PTPRG: variants seen among roughly 807,000 people sequenced by gnomAD.
The protein encoded by PTPRG is protein tyrosine phosphatase receptor type G, also known as receptor-type tyrosine-protein phosphatase gamma.
PTPRG carries 102 observed loss-of-function variants against 165.3 expected under a neutral mutation model. That is an observed-to-expected ratio of 0.62 (90% CI 0.53 to 0.73). PTPRG has a LOEUF of 0.73. PTPRG is among the 30% of genes least tolerant of loss of function. The pLI is 0.00. For missense variants in PTPRG, 1,866 were observed against 1,861.4 expected (o/e 1.00, Z -0.05); for synonymous variants, 675 against 669.5 (o/e 1.01, Z -0.13).
At chr3:62,013,997 G>A (rs751008717) in intron 4 of PTPRG, among the ~76,000 whole-genome samples, 11 of 152,104 alleles carry the variant, frequency 7.2e-5, no homozygotes, top group Non-Finnish European at 1.6e-4. Flanking sequence ...GAGGATTTAT[G>A]GGCCTGTGTA....
intron 6 of PTPRG, among the ~76,000 whole-genome samples, chr3:62,146,626 G>T (rs1576061638): frequency 7.8e-6 from 1 of 127,846 alleles, no homozygotes; most frequent in Non-Finnish European, 1.6e-5. Flanking sequence ...ATTGCCTGTT[G>T]CTTTTAAAAA....
intron 2 of PTPRG, among the ~76,000 whole-genome samples, chr3:61,959,225 G>A (rs1015131122): frequency 2.6e-5 from 4 of 152,102 alleles, no homozygotes; most frequent in Non-Finnish European, 4.4e-5. Flanking sequence ...GCCTTCTCTG[G>A]GTCAAGAGTC....
intron 2 of PTPRG, among the ~76,000 whole-genome samples, chr3:61,861,889 A>C (rs768283924): frequency 3.9e-4 from 59 of 152,172 alleles, no homozygotes; most frequent in Non-Finnish European, 1.6e-4. Flanking sequence ...GAGATGCATT[A>C]TGAGTTGTGA....
At position 61,784,517 on chromosome 3, in the gene PTPRG, T is replaced by C. The variant is rs1472629914; in HGVS notation, c.190+35535T>C. Among the ~76,000 whole-genome samples the C allele has an allele frequency of 2.0e-5, 3 of 152,112 alleles. No individual in the cohort carries two copies. In the East Asian group the frequency reaches 5.8e-4, roughly 29 times the overall value. Reference sequence around the variant, plus strand: ...AATGAGTACGGACTGTGGTTGAGGATGTTGAGGGTAAGTTAGCAGCTGACA... The same window carrying C: ...AATGAGTACGGACTGTGGTTGAGGACGTTGAGGGTAAGTTAGCAGCTGACA... On this transcript the variant is annotated intron_variant, in intron 2 of 29. Transcript: ENST00000474889.
intron 4 of PTPRG, 147 bp from the exon 5 acceptor site, chr3:62,078,016 A>AAAT: frequency 1.8e-6 from 1 of 565,630 alleles, no homozygotes; most frequent in Non-Finnish European, 3.1e-6. Context: ...AAAAAAAAAA[A>AAAT]GTTAGCAAAG....
chr3:61,983,321 T>C (rs2040682714), intron 2 of PTPRG, among the ~76,000 whole-genome samples: 1 of 152,110 alleles, frequency 6.6e-6, no homozygotes, highest in African/African-American at 2.4e-5. Flanking sequence ...AAAGCATTAA[T>C]TATAATAGGT....
chr3:61,808,291 A>G (rs1050757412), intron 2 of PTPRG, among the ~76,000 whole-genome samples: 1 of 152,212 alleles, frequency 6.6e-6, no homozygotes, highest in African/African-American at 2.4e-5. Flanking sequence ...AGAAGTTACA[A>G]AGGTGTTAGC....
chr3:62,103,845 G>C (rs942102624), intron 5 of PTPRG, among the ~76,000 whole-genome samples: 1 of 152,198 alleles, frequency 6.6e-6, no homozygotes, highest in Non-Finnish European at 1.5e-5. Context: ...GTAGAGTGTT[G>C]ATGTAATTTT....
At chr3:62,289,664 G>A (rs1702803746) in intron 28 of PTPRG, among the ~76,000 whole-genome samples, 1 of 145,320 alleles carries the variant, frequency 6.9e-6, no homozygotes, top group South Asian at 2.2e-4. Context: ...AATCGATATT[G>A]AAAAGCGTAC....
chr3:61,633,385 GAA>G (rs1311927046), intron 1 of PTPRG, among the ~76,000 whole-genome samples: 1 of 152,200 alleles, frequency 6.6e-6, no homozygotes, highest in Non-Finnish European at 1.5e-5. Flanking sequence ...AGCCAGAAAT[GAA>G]AGTCATTGGG....
At chr3:61,857,583 A>G (rs1431853358) in intron 2 of PTPRG, among the ~76,000 whole-genome samples, 1 of 152,152 alleles carries the variant, frequency 6.6e-6, no homozygotes, top group African/African-American at 2.4e-5. Context: ...CAAGGGTTTA[A>G]AAGGTCAGCC....
At chr3:62,207,674 C>G (rs1006850593) in intron 12 of PTPRG, among the ~76,000 whole-genome samples, 1 of 152,302 alleles carries the variant, frequency 6.6e-6, no homozygotes, top group Non-Finnish European at 1.5e-5. Flanking sequence ...ATGAGTATCT[C>G]CAAACAGCTT....
chr3:62,281,758 T>C (rs1395172237), intron 27 of PTPRG, 49 bp downstream of exon 27: 2 of 1,510,334 alleles, frequency 1.3e-6, no homozygotes, highest in Non-Finnish European at 1.8e-6. Context: ...GGGCCCTGGA[T>C]CATCATTCTA....
intron 2 of PTPRG, among the ~76,000 whole-genome samples, chr3:61,922,861 G>C (rs1447427757): frequency 6.6e-6 from 1 of 152,188 alleles, no homozygotes. Flanking sequence ...GGCTGGTCTT[G>C]AGTTCCAGAA....
intron 14 of PTPRG, among the ~76,000 whole-genome samples, chr3:62,238,920 G>C (rs1701092662): frequency 6.6e-6 from 1 of 152,110 alleles, no homozygotes; most frequent in East Asian, 1.9e-4. Flanking sequence ...ACTAATTTGG[G>C]TCATTACTAG....
chr3:62,100,896 A>T (rs916124860), intron 5 of PTPRG, among the ~76,000 whole-genome samples: 1 of 152,126 alleles, frequency 6.6e-6, no homozygotes, highest in African/African-American at 2.4e-5. Flanking sequence ...AAGTAGAACC[A>T]CGCTTCTTTT....
Position 62,248,084 on chromosome 3 carries a change from G to A in PTPRG, c.2467+4186G>A, listed in dbSNP as rs190911891. 2.7e-3 allele frequency among the ~76,000 whole-genome samples: 410 copies of A among 152,174 alleles called. 2 individuals are homozygous for A. The highest frequency in any genetic ancestry group is 9.4e-3 in the African/African-American group (390 of 41,554). Reference sequence around the variant, plus strand: ...AATATGGAAATGCTAGACAGAGACTGTGAATATATATGGTGGTTGAGGTTA... The same window carrying A: ...AATATGGAAATGCTAGACAGAGACTATGAATATATATGGTGGTTGAGGTTA... On this transcript the variant is annotated intron_variant, in intron 15 of 29. Coordinates refer to ENST00000474889, the MANE Select transcript of PTPRG (RefSeq NM_002841.4).
At chr3:62,257,192 C>G (rs557519120) in intron 16 of PTPRG, among the ~76,000 whole-genome samples, 1 of 152,286 alleles carries the variant, frequency 6.6e-6, no homozygotes, top group Non-Finnish European at 1.5e-5. Flanking sequence ...ATACTACTGT[C>G]ACCTTATAAT....
chr3:61,782,320 G>T (rs1416475512), intron 2 of PTPRG, among the ~76,000 whole-genome samples: 1 of 152,084 alleles, frequency 6.6e-6, no homozygotes, highest in Non-Finnish European at 1.5e-5. Context: ...ATTTTCCAAG[G>T]TATCACTTGG....
Sources: allele counts gnomAD v4.1 joint callset (sites outside exome capture counted in the v4.1 genomes callset), GRCh38; gene constraint gnomAD v4.1.1; transcripts MANE v1.5; gene names NCBI Gene and HGNC (gene_info 2026-07-23, HGNC 2026-07-21).